Variants in GRIK1 observed in about 807,000 individuals in gnomAD.
GRIK1 encodes glutamate receptor ionotropic, kainate 1.
GRIK1 carries 69 observed loss-of-function variants against 105.7 expected under a neutral mutation model. The observed-to-expected ratio is 0.65, with a 90% CI of 0.54 to 0.80. The LOEUF (loss-of-function observed/expected upper bound fraction) is 0.80. Among genes scored for constraint, GRIK1 ranks in the 30% least tolerant of loss-of-function variants. The pLI is 0.00. For synonymous variants in GRIK1, 438 were observed against 431.3 expected, an observed-to-expected ratio of 1.02 and a Z score of -0.19; for missense variants, 1,109 against 1,167.3, an observed-to-expected ratio of 0.95 and a Z score of 0.73.
chr21:29,877,595 T>C (rs1399557223), intron 1 of GRIK1, among the ~76,000 whole-genome samples: 1 of 152,180 alleles, frequency 6.6e-6, no homozygotes, highest in Non-Finnish European at 1.5e-5. Context: ...TTTCACAACT[T>C]TGCAATGAAT....
At chr21:29,812,905 C>T (rs571057745) in intron 1 of GRIK1, among the ~76,000 whole-genome samples, 11 of 152,156 alleles carry the variant, frequency 7.2e-5, no homozygotes, top group Non-Finnish European at 1.0e-4. Flanking sequence ...TCTTTGCAAC[C>T]GAGTATACAA....
intron 1 of GRIK1, among the ~76,000 whole-genome samples, chr21:29,814,060 G>A (rs1177149785): frequency 1.3e-5 from 2 of 148,426 alleles, no homozygotes; most frequent in African/African-American, 4.9e-5. Flanking sequence ...GATTACAGGT[G>A]CGTGCCACCA....
chr21:29,819,343 G>T (rs1250729889), intron 1 of GRIK1, among the ~76,000 whole-genome samples: 1 of 151,910 alleles, frequency 6.6e-6, no homozygotes, highest in African/African-American at 2.4e-5. Context: ...GTGATACAAG[G>T]GAGTAAAATC....
chr21:29,798,382 C>T (rs1301233744), intron 1 of GRIK1, among the ~76,000 whole-genome samples: 1 of 152,170 alleles, frequency 6.6e-6, no homozygotes, highest in Admixed American at 6.6e-5. Flanking sequence ...TCGTTCATTA[C>T]TTTAATGTAA....
In GRIK1 at chr21:29,712,058, G is replaced by A. The variant is rs939859703; in HGVS notation, c.119-17995C>T. ...TTTATAAATATGTGTGTGTGTATACGTATATAAGTATATGTATACATACAT... is the reference window on the plus strand; with the variant it reads ...TTTATAAATATGTGTGTGTGTATACATATATAAGTATATGTATACATACAT... On this transcript the variant is annotated intron_variant, in intron 1 of 17. Transcript: ENST00000327783. 4.3e-3 allele frequency among the ~76,000 whole-genome samples: 525 copies of A among 120,804 alleles called. 3 individuals are homozygous for A. The highest frequency in any genetic ancestry group is 0.014 in the African/African-American group (471 of 33,116). 79.3% of individuals were successfully genotyped at this position (120,804 alleles called of 152,430 possible).
At chr21:29,676,872 G>A (rs560909300) in intron 3 of GRIK1, among the ~76,000 whole-genome samples, 5 of 152,280 alleles carry the variant, frequency 3.3e-5, no homozygotes, top group African/African-American at 1.2e-4. Flanking sequence ...AATGCCATGA[G>A]TGATCCTGGG....
chr21:29,615,411 G>C (rs2061827219), intron 7 of GRIK1, among the ~76,000 whole-genome samples: 1 of 152,168 alleles, frequency 6.6e-6, no homozygotes, highest in Non-Finnish European at 1.5e-5. Context: ...CCAGGTTCAA[G>C]TGATTCTCCT....
chr21:29,589,977 C>T (rs1363960495), intron 10 of GRIK1, among the ~76,000 whole-genome samples: 4 of 152,136 alleles, frequency 2.6e-5, no homozygotes, highest in African/African-American at 7.2e-5. Flanking sequence ...CACATCTGGT[C>T]ATTCTCTGCT....
rs1050951808 is a variant in GRIK1, at chr21:29,537,001, G to GA, written c.*228dup. 5 of 297,318 alleles carry GA rather than the reference G, an allele frequency of 1.7e-5. No homozygotes were observed. The highest frequency in any genetic ancestry group is 1.1e-4 in the East Asian group (2 of 18,322). The allele number at this position is 297,318 out of a possible 1,614,324, so 18.4% of individuals were successfully genotyped here. A position where few individuals can be genotyped will look rare whatever the true frequency, so the allele number is the denominator to read the frequency against. On this transcript the variant is annotated 3_prime_UTR_variant, in exon 18 of 18. Transcript: ENST00000327783. The stretch of plus-strand genomic sequence containing the variant: ...CACACAACAATTTATTGGGGAAAAA[G>GA]AAAAAATGCAAAATAATTGAGCATA...
chr21:29,781,831 C>A (rs1454326765), intron 1 of GRIK1, among the ~76,000 whole-genome samples: 1 of 146,732 alleles, frequency 6.8e-6, no homozygotes, highest in Non-Finnish European at 1.5e-5. Flanking sequence ...CCACCGCGCC[C>A]GGCTAATTTT....
In GRIK1 at chr21:29,665,916, A is replaced by G. The variant is rs1180500081; in HGVS notation, c.726+7067T>C. Among the ~76,000 whole-genome samples the G allele has an allele frequency of 2.0e-5, 3 of 152,240 alleles. No homozygotes were observed. In the East Asian group the frequency reaches 5.8e-4, roughly 29 times the overall value. ...GGATAAAAAGAAATCATTCCAGTCA[A>G]ACACGTAGCATATTATGCATGCAGT... On this transcript the variant is annotated intron_variant, in intron 4 of 17. Transcript: ENST00000327783.
rs565561692 is a variant in GRIK1 at position 29,687,871 on chromosome 21, T to C, written c.544+1857A>G. 3.3e-5 allele frequency among the ~76,000 whole-genome samples: 5 copies of C among 152,356 alleles called. 1 individual carries two copies. Among genetic ancestry groups the C allele is most frequent in the African/African-American group, 1.2e-4 (5 of 41,596 alleles). ...ATTAAATCCACGAGTTTCAATATTA[T>C]TCATTGGTATGTTTTCCTTTTAGAT... On this transcript the variant is annotated intron_variant, in intron 3 of 17. Transcript: ENST00000327783.
chr21:29,558,108 G>T (rs2090301596), intron 15 of GRIK1, among the ~76,000 whole-genome samples: 1 of 151,970 alleles, frequency 6.6e-6, no homozygotes, highest in Non-Finnish European at 1.5e-5. Context: ...AATCTCTCAG[G>T]AGGTACATTT....
At chr21:29,885,944 T>C (rs1220666590) in intron 1 of GRIK1, among the ~76,000 whole-genome samples, 2 of 152,142 alleles carry the variant, frequency 1.3e-5, no homozygotes, top group Non-Finnish European at 2.9e-5. Flanking sequence ...TCTTAGCTAA[T>C]TCAGAGGAAA....
At chr21:29,759,413 C>T (rs1390013800) in intron 1 of GRIK1, among the ~76,000 whole-genome samples, 2 of 152,174 alleles carry the variant, frequency 1.3e-5, no homozygotes, top group Non-Finnish European at 2.9e-5. Flanking sequence ...ACACCACGCC[C>T]TGCCCAGTTC....
chr21:29,719,367 T>C (rs2064263168), intron 1 of GRIK1, among the ~76,000 whole-genome samples: 1 of 152,060 alleles, frequency 6.6e-6, no homozygotes, highest in South Asian at 2.1e-4. Flanking sequence ...GTAAAAGCAA[T>C]TGATAAGGCA....
At chr21:29,813,057 A>C (rs2145897712) in intron 1 of GRIK1, among the ~76,000 whole-genome samples, 1 of 152,178 alleles carries the variant, frequency 6.6e-6, no homozygotes, top group African/African-American at 2.4e-5. Context: ...ATCTGCAACA[A>C]CCTTGGGTAT....
At chr21:29,560,355 CTTTT>C (rs373330437) in intron 15 of GRIK1, among the ~76,000 whole-genome samples, 1 of 58,932 alleles carries the variant, frequency 1.7e-5, no homozygotes, top group African/African-American at 7.6e-5. Flanking sequence ...TTCTTTCTTT[CTTTT>C]TCTTTCTTCC....
intron 15 of GRIK1, among the ~76,000 whole-genome samples, chr21:29,560,288 T>C (rs914333788): frequency 1.7e-5 from 1 of 60,576 alleles, no homozygotes; most frequent in African/African-American, 7.8e-5. Context: ...GTTTTCTTTC[T>C]TTCTTTCTTT....
Sources: allele counts gnomAD v4.1 joint callset (sites outside exome capture counted in the v4.1 genomes callset), GRCh38; gene constraint gnomAD v4.1.1; transcripts MANE v1.5; gene names NCBI Gene and HGNC (gene_info 2026-07-23, HGNC 2026-07-21).